The following DAB1 variants were observed in gnomAD, a reference collection of about 807,000 sequenced individuals.
DAB1 encodes the protein DAB adaptor protein 1, also known as disabled homolog 1.
Under a neutral mutation model 64.6 loss-of-function variants are expected in DAB1, and 15 were observed. The ratio of observed to expected loss-of-function variants is 0.23; its 90% CI spans 0.16 to 0.36. The LOEUF (loss-of-function observed/expected upper bound fraction) is 0.36. DAB1 is among the 10% of genes least tolerant of loss of function. The pLI is 1.00. For missense variants in DAB1, 596 were observed against 706.7 expected, an observed-to-expected ratio of 0.84 and a Z score of 1.78; for synonymous variants, 235 against 251.9, an observed-to-expected ratio of 0.93 and a Z score of 0.64.
At chr1:57,373,271 C>T (rs1312157600) in intron 1 of DAB1, among the ~76,000 whole-genome samples, 1 of 152,130 alleles carries the variant, frequency 6.6e-6, no homozygotes, top group Non-Finnish European at 1.5e-5. Flanking sequence ...TGGATCCATC[C>T]CTCTATCTCT....
intron 5 of DAB1, among the ~76,000 whole-genome samples, chr1:57,994,418 A>T (rs1440406463): frequency 2.0e-5 from 3 of 152,216 alleles, no homozygotes; most frequent in Non-Finnish European, 4.4e-5. Context: ...TGGAGGCTGT[A>T]TGAGCAGAGA....
At chr1:58,020,226 G>T (rs973253555) in intron 5 of DAB1, among the ~76,000 whole-genome samples, 6 of 152,134 alleles carry the variant, frequency 3.9e-5, no homozygotes, top group Admixed American at 2.6e-4. Flanking sequence ...ATTAAGCTAG[G>T]TTACTTCACT....
At chr1:57,156,637 C>T (rs1660247522) in intron 2 of DAB1, among the ~76,000 whole-genome samples, 1 of 152,086 alleles carries the variant, frequency 6.6e-6, no homozygotes, top group African/African-American at 2.4e-5. Flanking sequence ...TTATACAGTC[C>T]ATAAGTATGA....
intron 11 of DAB1, among the ~76,000 whole-genome samples, chr1:57,018,394 CTGAG>C (rs1235545879): frequency 6.6e-6 from 1 of 152,174 alleles, no homozygotes; most frequent in Non-Finnish European, 1.5e-5. Context: ...GTGCTCACGC[CTGAG>C]TATTTCCTTA....
At chr1:58,495,718 AG>A (rs1399721526) in intron 3 of DAB1, among the ~76,000 whole-genome samples, 2 of 151,888 alleles carry the variant, frequency 1.3e-5, no homozygotes, top group African/African-American at 4.8e-5. Context: ...AAAAAAAGTT[AG>A]TTTTTGTAGA....
chr1:58,414,660 C>A (rs1409756217), intron 3 of DAB1, among the ~76,000 whole-genome samples: 2 of 150,878 alleles, frequency 1.3e-5, no homozygotes, highest in African/African-American at 2.4e-5. Flanking sequence ...TATAGAAGGA[C>A]ATATTGAGAA....
At chr1:57,786,198 C>T (rs1330455969) in intron 6 of DAB1, among the ~76,000 whole-genome samples, 1 of 152,164 alleles carries the variant, frequency 6.6e-6, no homozygotes, top group Non-Finnish European at 1.5e-5. Flanking sequence ...TAATGGACTA[C>T]AGTATAGTAT....
intron 6 of DAB1, among the ~76,000 whole-genome samples, chr1:57,806,820 C>T (rs1160266026): frequency 6.6e-6 from 1 of 152,148 alleles, no homozygotes; most frequent in Non-Finnish European, 1.5e-5. Context: ...CCTAATACGT[C>T]CCACTTCCCT....
In DAB1 at chr1:57,937,703, T is replaced by C. The variant is rs142803854; in HGVS notation, n.388-53541A>G. Among the ~76,000 whole-genome samples the C allele has an allele frequency of 2.1e-3, 314 of 152,320 alleles. 1 individual carries two copies. The highest frequency in any genetic ancestry group is 7.2e-3 in the African/African-American group (300 of 41,582). ...AAAAAATAACAGCTTCAAAACCTGT[T>C]GTTGCTGGACTTGCAACAGTACCCA... On this transcript the variant is annotated intron_variant and non_coding_transcript_variant, in intron 5 of 20. Transcript: ENST00000485760.
chr1:58,342,755 TTGA>T (rs1465511540), intron 4 of DAB1, among the ~76,000 whole-genome samples: 1 of 152,172 alleles, frequency 6.6e-6, no homozygotes, highest in African/African-American at 2.4e-5. Context: ...TCAAAACATA[TTGA>T]TTTCACCTCC....
intron 2 of DAB1, among the ~76,000 whole-genome samples, chr1:57,145,761 T>C (rs927759691): frequency 4.6e-5 from 7 of 152,160 alleles, no homozygotes; most frequent in African/African-American, 1.7e-4. Context: ...GCAAGAGATA[T>C]TCAACAAATG....
At chr1:57,885,679 G>T (rs1333617739), upstream of DAB1, among the ~76,000 whole-genome samples, 1 of 152,164 alleles carries the variant, frequency 6.6e-6, no homozygotes, top group Non-Finnish European at 1.5e-5. Context: ...AAATATTGAT[G>T]ATGTGTTAGA....
At chr1:57,257,242 T>C (rs1400289902) in intron 2 of DAB1, among the ~76,000 whole-genome samples, 1 of 152,166 alleles carries the variant, frequency 6.6e-6, no homozygotes, top group Non-Finnish European at 1.5e-5. Flanking sequence ...GTGGCCATGG[T>C]TGTATCTCCT....
At chr1:57,278,068 A>G (rs914143584) in intron 2 of DAB1, among the ~76,000 whole-genome samples, 1 of 152,224 alleles carries the variant, frequency 6.6e-6, no homozygotes, top group Non-Finnish European at 1.5e-5. Context: ...TACAACAGGA[A>G]CCAGACCCCT....
chr1:57,531,745 C>A (rs188174503), intron 7 of DAB1, among the ~76,000 whole-genome samples: 105 of 152,244 alleles, frequency 6.9e-4, no homozygotes, highest in Middle Eastern at 6.8e-3. Flanking sequence ...AATTTAACAA[C>A]CAGCTCTGTG....
At chr1:57,072,439 C>G in intron 4 of DAB1, 25 bp from the exon 5 acceptor site, 1 of 1,608,176 alleles carries the variant, frequency 6.2e-7, no homozygotes, top group Non-Finnish European at 8.5e-7. Context: ...AAAGGAAGAA[C>G]ATATTTCAGG....
chr1:57,075,004 G>C (rs565680362), intron 4 of DAB1, among the ~76,000 whole-genome samples: 1 of 152,154 alleles, frequency 6.6e-6, no homozygotes, highest in Non-Finnish European at 1.5e-5. Context: ...GCGCTAAAAT[G>C]GTAGGCAGCA....
chr1:57,538,362 T>G (rs1644755919), intron 7 of DAB1, among the ~76,000 whole-genome samples: 1 of 152,150 alleles, frequency 6.6e-6, no homozygotes, highest in Non-Finnish European at 1.5e-5. Context: ...GAGACTCAAG[T>G]TCCTCATCAC....
At chr1:57,560,140 C>T (rs1645033888) in intron 7 of DAB1, among the ~76,000 whole-genome samples, 1 of 152,274 alleles carries the variant, frequency 6.6e-6, no homozygotes. Context: ...GTCCATAAGG[C>T]CCTCCAGGAG....
Sources: gnomAD v4.1 joint callset for allele counts (sites outside exome capture counted in the v4.1 genomes callset) on GRCh38, gnomAD v4.1.1 for gene constraint, MANE v1.5 for transcripts, NCBI Gene and HGNC (gene_info 2026-07-23, HGNC 2026-07-21) for gene names.